The following CSMD1 variants were observed in gnomAD, a reference collection of about 807,000 sequenced individuals.
CSMD1 encodes CUB and sushi domain-containing protein 1.
CSMD1 carries 213 observed loss-of-function variants against 417.5 expected under a neutral mutation model. The ratio of observed to expected loss-of-function variants is 0.51; its 90% CI spans 0.46 to 0.57. The LOEUF (loss-of-function observed/expected upper bound fraction) is 0.57, where lower values mean the gene tolerates loss of function less well. Ranked by LOEUF, CSMD1 falls within the 20% of genes least tolerant of loss-of-function variation. CSMD1 has a pLI of 0.00. For missense variants in CSMD1, 6,923 were observed against 4,529.7 expected, an observed-to-expected ratio of 1.53 and a Z score of -15.17; for synonymous variants, 2,862 against 1,736.8, an observed-to-expected ratio of 1.65 and a Z score of -16.11.
chr8:4,318,507 G>T (rs936571966), intron 3 of CSMD1, among the ~76,000 whole-genome samples: 2 of 152,024 alleles, frequency 1.3e-5, no homozygotes. Context: ...TACTCAACTG[G>T]CGAGAAAACT....
Position 3,188,853 on chromosome 8 carries a change from G to T in CSMD1, c.5523+34C>A, listed in dbSNP as rs748034774. 11 of 1,477,070 alleles carry T rather than the reference G, an allele frequency of 7.4e-6. No individual in the cohort carries two copies. In the East Asian group the frequency reaches 2.6e-4, roughly 35 times the overall value. The allele number at this position is 1,477,070 out of a possible 1,614,324, so 91.5% of individuals were successfully genotyped here. A position where few individuals can be genotyped will look rare whatever the true frequency, so the allele number is the denominator to read the frequency against. Reference sequence around the variant, plus strand: ...AAAGAAGCCCATGGACCCCAGCTGAGCCCTGTTGTAGACTGTGGACTTCAA... The same window carrying T: ...AAAGAAGCCCATGGACCCCAGCTGATCCCTGTTGTAGACTGTGGACTTCAA... On this transcript the variant is annotated intron_variant, in intron 35 of 69. Coordinates refer to ENST00000635120, the MANE Select transcript of CSMD1 (RefSeq NM_033225.6).
At chr8:4,611,227 C>T (rs1801150243) in intron 2 of CSMD1, among the ~76,000 whole-genome samples, 1 of 152,156 alleles carries the variant, frequency 6.6e-6, no homozygotes, top group African/African-American at 2.4e-5. Context: ...GGAAATCTTA[C>T]AATGGGTACT....
At chr8:3,524,994 T>C (rs79449455) in intron 10 of CSMD1, among the ~76,000 whole-genome samples, 5,039 of 152,194 alleles carry the variant, frequency 0.033, 211 homozygotes, top group African/African-American at 0.092. Flanking sequence ...AAAATGATAA[T>C]GTATGTATCA....
chr8:4,089,886 T>C (rs1447365387), intron 3 of CSMD1, among the ~76,000 whole-genome samples: 2 of 152,108 alleles, frequency 1.3e-5, no homozygotes, highest in Non-Finnish European at 2.9e-5. Flanking sequence ...CCTGCAGAGC[T>C]GTGGGGTCAG....
Position 4,059,492 on chromosome 8 carries a change from A to G in CSMD1, c.416-27393T>C, listed in dbSNP as rs1798861288. ...ATGCAAATAACCCTTCAAAAAATTA[A>G]TGAATCCAGGAGCTGGTTTTTTGAA... On this transcript the variant is annotated intron_variant, in intron 3 of 69. Transcript: ENST00000635120. Among the ~76,000 whole-genome samples, 5 of 152,350 alleles carry G rather than the reference A, an allele frequency of 3.3e-5. No individual in the cohort carries two copies. In the East Asian group the frequency reaches 5.8e-4, roughly 18 times the overall value.
At chr8:4,189,603 T>C (rs1183547703) in intron 3 of CSMD1, among the ~76,000 whole-genome samples, 1 of 152,182 alleles carries the variant, frequency 6.6e-6, no homozygotes, top group Non-Finnish European at 1.5e-5. Flanking sequence ...TGATTAGTTT[T>C]TGGAAAATGG....
chr8:4,960,455 G>A (rs936329333), intron 1 of CSMD1, among the ~76,000 whole-genome samples: 5 of 152,240 alleles, frequency 3.3e-5, no homozygotes, highest in Middle Eastern at 3.4e-3. Context: ...GCATGTGCTG[G>A]GGATAAACAA....
At chr8:4,191,530 TG>T (rs1799032449) in intron 3 of CSMD1, among the ~76,000 whole-genome samples, 1 of 152,208 alleles carries the variant, frequency 6.6e-6, no homozygotes, top group African/African-American at 2.4e-5. Flanking sequence ...CACTAAAACA[TG>T]TGTCTCATCT....
chr8:3,899,364 T>C lies in CSMD1; in HGVS notation c.818+98539A>G, dbSNP rs1387622499. Among the ~76,000 whole-genome samples, 5 of 152,302 alleles carry C rather than the reference T, an allele frequency of 3.3e-5. No individual in the cohort carries two copies. In the East Asian group the frequency reaches 9.6e-4, roughly 29 times the overall value. Reference sequence around the variant, plus strand: ...AGTTTGCTGGACAGATTCTCCGCCCTGGCACAAAGAGTGACTGAACATGAC... The same window carrying C: ...AGTTTGCTGGACAGATTCTCCGCCCCGGCACAAAGAGTGACTGAACATGAC... On this transcript the variant is annotated intron_variant, in intron 5 of 69. Coordinates refer to ENST00000635120, the MANE Select transcript of CSMD1 (RefSeq NM_033225.6).
chr8:4,175,246 A>C (rs192476106), intron 3 of CSMD1, among the ~76,000 whole-genome samples: 21 of 152,264 alleles, frequency 1.4e-4, no homozygotes, highest in Admixed American at 1.1e-3. Flanking sequence ...CAACCAATTA[A>C]ATGAAACCAT....
chr8:3,753,720 C>G (rs950357838), intron 6 of CSMD1, among the ~76,000 whole-genome samples: 6 of 152,162 alleles, frequency 3.9e-5, no homozygotes. Context: ...TATCAAGAAA[C>G]TATACATATC....
At chr8:3,339,396 G>C (rs370693777) in intron 23 of CSMD1, among the ~76,000 whole-genome samples, 108 of 152,150 alleles carry the variant, frequency 7.1e-4, no homozygotes, top group African/African-American at 2.5e-3. Flanking sequence ...AAGGGTAGGG[G>C]GGTTGCCTTA....
chr8:3,600,326 G>C (rs77029096), intron 8 of CSMD1, among the ~76,000 whole-genome samples: 3,240 of 152,248 alleles, frequency 0.021, 125 homozygotes, highest in African/African-American at 0.075. Context: ...TTGAAGGGTG[G>C]AGTGGGTGGA....
Position 4,536,194 on chromosome 8 carries a change from T to C in CSMD1, c.302+101148A>G, listed in dbSNP as rs140483484. 6.4e-4 allele frequency among the ~76,000 whole-genome samples: 98 copies of C among 152,302 alleles called. 3 individuals are homozygous for C. The East Asian group carries it at 0.017, about 27-fold the overall frequency. On this transcript the variant is annotated intron_variant, in intron 2 of 69. Coordinates refer to ENST00000635120, the MANE Select transcript of CSMD1 (RefSeq NM_033225.6). ...GATTTGTTTTATTTGACTGCAAATTTTTAACGATGCTTTTGCATTTCATTT... is the reference window on the plus strand; with the variant it reads ...GATTTGTTTTATTTGACTGCAAATTCTTAACGATGCTTTTGCATTTCATTT...
chr8:4,747,885 G>A (rs941147261), intron 1 of CSMD1, among the ~76,000 whole-genome samples: 1 of 152,224 alleles, frequency 6.6e-6, no homozygotes, highest in Admixed American at 6.5e-5. Context: ...CAGGATATCT[G>A]TTGTTGCTTT....
chr8:4,548,954 A>T (rs1272747480), intron 2 of CSMD1, among the ~76,000 whole-genome samples: 2 of 152,100 alleles, frequency 1.3e-5, no homozygotes, highest in Non-Finnish European at 2.9e-5. Context: ...ATCTAAGTTA[A>T]TTTTGCATAA....
intron 2 of CSMD1, among the ~76,000 whole-genome samples, chr8:4,632,846 T>G (rs1802605183): frequency 6.6e-6 from 1 of 152,020 alleles, no homozygotes; most frequent in African/African-American, 2.4e-5. Flanking sequence ...TTCAGACCGG[T>G]AGAGGGAGAG....
intron 1 of CSMD1, among the ~76,000 whole-genome samples, chr8:4,696,984 G>A (rs1018662780): frequency 3.3e-5 from 5 of 151,900 alleles, no homozygotes; most frequent in South Asian, 2.1e-4. Flanking sequence ...CCAGCCTGAC[G>A]AACATGGTGA....
intron 1 of CSMD1, among the ~76,000 whole-genome samples, chr8:4,780,369 T>C (rs1249682531): frequency 6.6e-6 from 1 of 152,214 alleles, no homozygotes; most frequent in Non-Finnish European, 1.5e-5. Flanking sequence ...AGGTGTGATT[T>C]AAAAATCAGT....
Sources: allele counts gnomAD v4.1 joint callset (sites outside exome capture counted in the v4.1 genomes callset), GRCh38; gene constraint gnomAD v4.1.1; transcripts MANE v1.5; gene names NCBI Gene and HGNC (gene_info 2026-07-23, HGNC 2026-07-21).